The following ADAM22 variants were observed in gnomAD, a reference collection of about 807,000 sequenced individuals.
The protein encoded by ADAM22 is ADAM metallopeptidase domain 22.
A neutral mutation model predicts 144.6 loss-of-function variants in ADAM22; 65 were observed. That is an observed-to-expected ratio of 0.45 (90% CI 0.37 to 0.55). The LOEUF is 0.55. Among genes scored for constraint, ADAM22 ranks in the 20% least tolerant of loss-of-function variants. The pLI is 0.00. For missense variants in ADAM22, 974 were observed against 1,184.9 expected, an observed-to-expected ratio of 0.82 and a Z score of 2.61; for synonymous variants, 391 against 412.6, an observed-to-expected ratio of 0.95 and a Z score of 0.63.
chr7:88,080,024 C>T (rs1239204931), intron 4 of ADAM22, among the ~76,000 whole-genome samples: 3 of 152,180 alleles, frequency 2.0e-5, no homozygotes, highest in Non-Finnish European at 4.4e-5. Context: ...AACTCTCCAC[C>T]TCAAATCAAC....
intron 2 of ADAM22, among the ~76,000 whole-genome samples, chr7:87,975,469 A>G (rs1468427170): frequency 1.3e-5 from 2 of 152,188 alleles, no homozygotes; most frequent in South Asian, 2.1e-4. Context: ...CTTGCCTTAT[A>G]TTAAAACTAT....
At chr7:87,951,198 A>T (rs1845040423) in intron 2 of ADAM22, among the ~76,000 whole-genome samples, 1 of 146,526 alleles carries the variant, frequency 6.8e-6, no homozygotes, top group Non-Finnish European at 1.5e-5. Flanking sequence ...GGTGTTTTAG[A>T]CATGAAGTCC....
intron 2 of ADAM22, among the ~76,000 whole-genome samples, chr7:87,940,852 G>C (rs576276907): frequency 3.6e-4 from 55 of 152,262 alleles, no homozygotes; most frequent in African/African-American, 1.3e-3. Context: ...GCAGGTAAAA[G>C]GATAAAACTT....
intron 22 of ADAM22, among the ~76,000 whole-genome samples, chr7:88,160,208 A>T (rs931113597): frequency 6.6e-6 from 1 of 152,092 alleles, no homozygotes; most frequent in Non-Finnish European, 1.5e-5. Flanking sequence ...GGAGGTAAAA[A>T]ATCTCTGCAA....
chr7:87,993,604 A>T (rs947908811), intron 3 of ADAM22, among the ~76,000 whole-genome samples: 3 of 152,148 alleles, frequency 2.0e-5, no homozygotes, highest in Non-Finnish European at 4.4e-5. Context: ...CCAGCACCTT[A>T]CCTGTCATGT....
intron 3 of ADAM22, among the ~76,000 whole-genome samples, chr7:87,988,894 C>T (rs554947884): frequency 3.3e-5 from 5 of 152,014 alleles, no homozygotes; most frequent in Admixed American, 3.3e-4. Context: ...GGAGAAGTAG[C>T]TTTTTCACTG....
chr7:87,938,910 A>G (rs1018606666), intron 2 of ADAM22, among the ~76,000 whole-genome samples: 16 of 152,288 alleles, frequency 1.1e-4, no homozygotes, highest in Non-Finnish European at 8.8e-5. Context: ...TGGCATCCCA[A>G]AGTGCTGGGA....
intron 22 of ADAM22, among the ~76,000 whole-genome samples, chr7:88,159,032 A>G (rs1475487203): frequency 6.6e-6 from 1 of 152,052 alleles, no homozygotes; most frequent in East Asian, 1.9e-4. Flanking sequence ...AAGAAAAGAG[A>G]GAAGATCCAA....
chr7:87,953,235 G>C (rs1845720715), intron 2 of ADAM22, among the ~76,000 whole-genome samples: 1 of 151,922 alleles, frequency 6.6e-6, no homozygotes, highest in Admixed American at 6.6e-5. Context: ...TGTGATGTTA[G>C]GGTGTCAGTA....
At chr7:88,100,064 T>A (rs75157240) in intron 4 of ADAM22, among the ~76,000 whole-genome samples, 10,508 of 152,182 alleles carry the variant, frequency 0.069, 448 homozygotes, top group Admixed American at 0.11. Flanking sequence ...AGTTACTTGG[T>A]TTTGACAAAT....
At chr7:87,938,018 C>A (rs1171058222) in intron 2 of ADAM22, among the ~76,000 whole-genome samples, 1 of 152,056 alleles carries the variant, frequency 6.6e-6, no homozygotes. Flanking sequence ...TTTTAAAGAC[C>A]TGTTTATCTT....
chr7:88,045,158 C>G (rs1372735853), intron 3 of ADAM22, among the ~76,000 whole-genome samples: 7 of 141,584 alleles, frequency 4.9e-5, no homozygotes, highest in Admixed American at 7.1e-5. Flanking sequence ...CCTGGGATTA[C>G]AGGCACCTGC....
Position 88,202,459 on chromosome 7 carries a change from A to G in ADAM22, c.*5968A>G, listed in dbSNP as rs1326980179. ...CCTTTGACAGGTGATGTGCATCTAT[A>G]GATAGTGGAAGCCACCCCATGAGGA... On this transcript the variant is annotated 3_prime_UTR_variant, in exon 32 of 32. Transcript: ENST00000413139. 3 of 152,154 alleles carry G rather than the reference A, an allele frequency of 2.0e-5. No homozygotes were observed. Among genetic ancestry groups the G allele is most frequent in the African/African-American group, 7.2e-5 (3 of 41,424 alleles). The allele number at this position is 152,154 out of a possible 1,614,324, so 9.4% of individuals were successfully genotyped here.
intron 5 of ADAM22, among the ~76,000 whole-genome samples, chr7:88,114,168 CT>C (rs1827127855): frequency 6.6e-6 from 1 of 152,072 alleles, no homozygotes; most frequent in African/African-American, 2.4e-5. Context: ...AGTATAGTCC[CT>C]GAAAACCTGC....
chr7:88,058,595 A>C (rs1422588490), intron 3 of ADAM22, among the ~76,000 whole-genome samples: 1 of 152,210 alleles, frequency 6.6e-6, no homozygotes, highest in Non-Finnish European at 1.5e-5. Context: ...GTTGGAAATA[A>C]TGTTCACAAA....
chr7:88,158,511 A>G (rs995008342), intron 22 of ADAM22, among the ~76,000 whole-genome samples: 5 of 152,060 alleles, frequency 3.3e-5, no homozygotes, highest in African/African-American at 9.7e-5. Context: ...ACATAAAACA[A>G]TCCTCAGCAA....
intron 26 of ADAM22, among the ~76,000 whole-genome samples, chr7:88,177,012 G>T (rs556412293): frequency 6.6e-6 from 1 of 152,120 alleles, no homozygotes; most frequent in Non-Finnish European, 1.5e-5. Context: ...TGATCTGCCC[G>T]CTTCGGCCTC....
chr7:88,098,486 A>G (rs1822049034), intron 4 of ADAM22, among the ~76,000 whole-genome samples: 1 of 152,126 alleles, frequency 6.6e-6, no homozygotes, highest in African/African-American at 2.4e-5. Context: ...TTAGAAACAG[A>G]ATCTTTTCAG....
chr7:87,991,796 G>A (rs1279067410), intron 3 of ADAM22, among the ~76,000 whole-genome samples: 2 of 152,196 alleles, frequency 1.3e-5, no homozygotes, highest in Non-Finnish European at 2.9e-5. Flanking sequence ...CTCAGAAATA[G>A]CTATTTTTAG....
Sources: allele counts gnomAD v4.1 joint callset (sites outside exome capture counted in the v4.1 genomes callset), GRCh38; gene constraint gnomAD v4.1.1; transcripts MANE v1.5; gene names NCBI Gene and HGNC (gene_info 2026-07-23, HGNC 2026-07-21).